The following AVL9 variants were observed in gnomAD, a reference collection of about 807,000 sequenced individuals.
AVL9 encodes late secretory pathway protein AVL9 homolog.
In AVL9, 49 loss-of-function variants were observed where a neutral mutation model predicts 79.2. That is an observed-to-expected ratio of 0.62 (90% CI 0.49 to 0.79). The LOEUF (loss-of-function observed/expected upper bound fraction) is 0.79. AVL9 is among the 30% of genes least tolerant of loss of function. The pLI, the probability that AVL9 is intolerant of heterozygous loss-of-function variation, is 0.00. For synonymous variants in AVL9, 299 were observed against 280.6 expected, an observed-to-expected ratio of 1.07 and a Z score of -0.65; for missense variants, 682 against 776.8, an observed-to-expected ratio of 0.88 and a Z score of 1.45.
rs547945655 is a variant in AVL9 at position 32,518,214 on chromosome 7, A to T, written c.93+22412A>T. Reference sequence around the variant, plus strand: ...TCTTGAATTATGTGGTAAAATAAACATATATTTAATGTTAAGTTTCTTACT... The same window carrying T: ...TCTTGAATTATGTGGTAAAATAAACTTATATTTAATGTTAAGTTTCTTACT... On this transcript the variant is annotated intron_variant, in intron 1 of 15. Transcript: ENST00000318709. Among the ~76,000 whole-genome samples, 3 of 152,374 alleles carry T rather than the reference A, an allele frequency of 2.0e-5. No individual in the cohort carries two copies. In the East Asian group the frequency reaches 5.8e-4, roughly 29 times the overall value.
At chr7:32,498,831 GATA>G (rs1424069248) in intron 1 of AVL9, among the ~76,000 whole-genome samples, 1 of 151,282 alleles carries the variant, frequency 6.6e-6, no homozygotes, top group Non-Finnish European at 1.5e-5. Flanking sequence ...TTTAACAAGG[GATA>G]ATAATTAACA....
chr7:32,573,050 C>G, intron 11 of AVL9, 149 bp from the exon 12 acceptor site: 1 of 583,712 alleles, frequency 1.7e-6, no homozygotes, highest in Non-Finnish European at 3.0e-6. Context: ...CTTCAGTGTA[C>G]AAACCTCTTT....
At chr7:32,524,918 A>G (rs1202291265) in intron 1 of AVL9, among the ~76,000 whole-genome samples, 2 of 152,178 alleles carry the variant, frequency 1.3e-5, no homozygotes, top group Non-Finnish European at 2.9e-5. Context: ...GGTGCCCAAG[A>G]GTTCCATGGT....
intron 1 of AVL9, among the ~76,000 whole-genome samples, chr7:32,503,302 C>T (rs1787225739): frequency 6.9e-6 from 1 of 145,510 alleles, no homozygotes; most frequent in Non-Finnish European, 1.5e-5. Flanking sequence ...ATGGTGAAAC[C>T]CCCATCTCTA....
intron 1 of AVL9, among the ~76,000 whole-genome samples, chr7:32,503,361 G>GATAT (rs367803456): frequency 2.5e-5 from 3 of 121,498 alleles, no homozygotes; most frequent in African/African-American, 9.3e-5. Flanking sequence ...GATATAGAGA[G>GATAT]ATATATATAT....
At chr7:32,529,441 A>G (rs1788549252) in intron 1 of AVL9, among the ~76,000 whole-genome samples, 1 of 152,134 alleles carries the variant, frequency 6.6e-6, no homozygotes, top group Non-Finnish European at 1.5e-5. Flanking sequence ...AAGTGACTCC[A>G]TTCTGGTTTG....
intron 1 of AVL9, among the ~76,000 whole-genome samples, chr7:32,497,677 A>C (rs1255225358): frequency 2.2e-5 from 3 of 139,010 alleles, no homozygotes; most frequent in Admixed American, 7.5e-5. Context: ...TTTTCTTCAG[A>C]TGGAATCTCA....
At chr7:32,570,267 G>A in intron 11 of AVL9, 113 bp downstream of exon 11, 3 of 1,331,602 alleles carry the variant, frequency 2.3e-6, no homozygotes, top group Non-Finnish European at 3.2e-6. Flanking sequence ...ACTGCATACT[G>A]TATGCCATGT....
At chr7:32,581,978 T>C (rs772583853) in intron 15 of AVL9, among the ~76,000 whole-genome samples, 24 of 152,218 alleles carry the variant, frequency 1.6e-4, no homozygotes, top group Non-Finnish European at 3.1e-4. Flanking sequence ...CCCCAACTCA[T>C]TGGATGAGGC....
intron 13 of AVL9, among the ~76,000 whole-genome samples, chr7:32,576,595 C>A (rs943519355): frequency 3.3e-5 from 5 of 151,934 alleles, no homozygotes; most frequent in Admixed American, 3.3e-4. Context: ...ACCAGCCTGG[C>A]CAACATGCTG....
At chr7:32,574,970 G>A (rs1476455136) in intron 12 of AVL9, among the ~76,000 whole-genome samples, 1 of 152,144 alleles carries the variant, frequency 6.6e-6, no homozygotes, top group Non-Finnish European at 1.5e-5. Flanking sequence ...ATAGCCATTT[G>A]TATCAGTTCT....
At chr7:32,550,939 A>G (rs1011095243) in intron 4 of AVL9, among the ~76,000 whole-genome samples, 31 of 152,324 alleles carry the variant, frequency 2.0e-4, no homozygotes, top group Middle Eastern at 6.8e-3. Context: ...GATACTTTCT[A>G]TGTGTCAGAT....
chr7:32,497,841 C>G (rs1322927475), intron 1 of AVL9, among the ~76,000 whole-genome samples: 2 of 152,096 alleles, frequency 1.3e-5, no homozygotes, highest in East Asian at 1.9e-4. Flanking sequence ...TTAGTAGAGA[C>G]GGGGTTTCAC....
intron 1 of AVL9, among the ~76,000 whole-genome samples, chr7:32,524,447 A>C (rs1205707282): frequency 6.6e-6 from 1 of 152,040 alleles, no homozygotes; most frequent in Non-Finnish European, 1.5e-5. Flanking sequence ...CTCAGGAGAC[A>C]GTGGTTGCAG....
chr7:32,556,013 A>G (rs957381838), intron 8 of AVL9, among the ~76,000 whole-genome samples: 2 of 152,164 alleles, frequency 1.3e-5, no homozygotes, highest in African/African-American at 4.8e-5. Flanking sequence ...AGATACTAAG[A>G]TGTTTTTATT....
At chr7:32,498,506 T>TC (rs1562745570) in intron 1 of AVL9, among the ~76,000 whole-genome samples, 1 of 152,120 alleles carries the variant, frequency 6.6e-6, no homozygotes, top group Non-Finnish European at 1.5e-5. Flanking sequence ...CGCCTTGGCC[T>TC]CCCAAAGTAC....
At chr7:32,562,595 T>A (rs931398484) in intron 10 of AVL9, 2 of 981,058 alleles carry the variant, frequency 2.0e-6, no homozygotes, top group African/African-American at 3.5e-5. Context: ...CAGTAATGCA[T>A]TAAGATGAAG....
At chr7:32,524,124 C>G (rs1483844979) in intron 1 of AVL9, among the ~76,000 whole-genome samples, 3 of 151,312 alleles carry the variant, frequency 2.0e-5, no homozygotes, top group Non-Finnish European at 4.4e-5. Context: ...GCTGGGATTA[C>G]AGCAGTGAGC....
At chr7:32,503,560 G>GA (rs70992722) in intron 1 of AVL9, among the ~76,000 whole-genome samples, 48,257 of 123,680 alleles carry the variant, frequency 0.39, 9,512 homozygotes, top group East Asian at 0.5. Context: ...CGTCTCAAGG[G>GA]AAAAAAAAAA....
Sources: gnomAD v4.1 joint callset for allele counts (sites outside exome capture counted in the v4.1 genomes callset) on GRCh38, gnomAD v4.1.1 for gene constraint, MANE v1.5 for transcripts, NCBI Gene and HGNC (gene_info 2026-07-23, HGNC 2026-07-21) for gene names.